Variants in PLEKHS1 observed in about 807,000 individuals in gnomAD.
The protein encoded by PLEKHS1 is pleckstrin homology domain containing S1.
In PLEKHS1, 55 loss-of-function variants were observed where a neutral mutation model predicts 51.0. The observed-to-expected ratio is 1.08, with a 90% CI of 0.87 to 1.35. The LOEUF is 1.35. Among genes scored for constraint, PLEKHS1 ranks in the 40% most tolerant of loss-of-function variants. The pLI, the probability that PLEKHS1 is intolerant of heterozygous loss-of-function variation, is 0.00. For synonymous variants in PLEKHS1, 153 were observed against 144.8 expected, an observed-to-expected ratio of 1.06 and a Z score of -0.41; for missense variants, 398 against 423.0, an observed-to-expected ratio of 0.94 and a Z score of 0.52.
chr10:113,779,694 A>T (rs138796068), intron 11 of PLEKHS1, among the ~76,000 whole-genome samples: 101 of 152,300 alleles, frequency 6.6e-4, no homozygotes, highest in African/African-American at 2.4e-3. Context: ...AGAAGCCAAG[A>T]AAAGGGTTTT....
chr10:113,765,507 A>G, intron 2 of PLEKHS1: 3 of 712,738 alleles, frequency 4.2e-6, no homozygotes, highest in Non-Finnish European at 5.2e-6. Context: ...GGGAGACAGT[A>G]TATATTGCCC....
chr10:113,769,933 C>T (rs373529731), intron 7 of PLEKHS1, 33 bp downstream of exon 7: 80 of 1,471,378 alleles, frequency 5.4e-5, no homozygotes, highest in Non-Finnish European at 7.2e-5. Context: ...CAGGACACCA[C>T]ACCTGGGAGG....
intron 1 of PLEKHS1, among the ~76,000 whole-genome samples, chr10:113,754,880 T>C (rs556074615): frequency 3.3e-5 from 5 of 152,344 alleles, no homozygotes; most frequent in Admixed American, 2.0e-4. Flanking sequence ...CTTTCTCGGC[T>C]ACGTTGGCTC....
intron 9 of PLEKHS1, 72 bp from the exon 10 acceptor site, chr10:113,774,754 T>G: frequency 1.4e-6 from 2 of 1,400,706 alleles, no homozygotes; most frequent in Non-Finnish European, 2.0e-6. Flanking sequence ...GCTACTTAAA[T>G]CTGACACACA....
rs1168928748 is a variant in PLEKHS1 at position 113,771,979 on chromosome 10, GA to G, written c.564del (p.Glu188AspfsTer22). 1 of 1,611,568 alleles carries G rather than the reference GA, an allele frequency of 6.2e-7. No homozygotes were observed. ...TATCTCTTTTCTTCAGCATTTAATG[GA>G]ACAAAGTTCTCCAGGATTTAGGCAA... On this transcript the variant is annotated frameshift_variant, in exon 8 of 12. Coordinates refer to ENST00000361048, the Ensembl canonical transcript of PLEKHS1. LOFTEE classifies it high-confidence loss of function.
At chr10:113,778,389 A>G (rs949770336) in intron 11 of PLEKHS1, among the ~76,000 whole-genome samples, 2 of 152,172 alleles carry the variant, frequency 1.3e-5, no homozygotes, top group Admixed American at 1.3e-4. Context: ...TTTGGCTTCA[A>G]ATTTCTGAAA....
At chr10:113,755,518 C>CCTCAGCCTACGCTGAGGAG (rs1854069704) in intron 2 of PLEKHS1, 1 of 920,442 alleles carries the variant, frequency 1.1e-6, no homozygotes, top group African/African-American at 1.7e-5. Context: ...GATCCTCTAA[C>CCTCAGCCTACGCTGAGGAG]CTCAGCCTCC....
rs1435419523 is a variant in PLEKHS1 at position 113,769,674 on chromosome 10, T to A, written c.436-110T>A. On this transcript the variant is annotated intron_variant, in intron 6 of 11. Coordinates refer to ENST00000361048, the Ensembl canonical transcript of PLEKHS1. ...TGCTGGCAGGCCAGCGGCATGAATGTTAGATTGCTATGGGAAAAGACAGGA... is the reference window on the plus strand; with the variant it reads ...TGCTGGCAGGCCAGCGGCATGAATGATAGATTGCTATGGGAAAAGACAGGA... The A allele has an allele frequency of 5.8e-5, 42 of 723,610 alleles. No individual in the cohort carries two copies. In the East Asian group the frequency reaches 7.7e-4, roughly 13 times the overall value. The allele number at this position is 723,610 out of a possible 1,614,324, so 44.8% of individuals were successfully genotyped here.
chr10:113,771,932 CA>C (rs1564824437), intron 7 of PLEKHS1, 37 bp from the exon 8 acceptor site: 1 of 1,584,540 alleles, frequency 6.3e-7, no homozygotes, highest in Admixed American at 1.9e-5. Flanking sequence ...CTATCTCTTG[CA>C]AAGAAAAAGC....
chr10:113,781,051 C>T (rs1844851623), exon 12 of PLEKHS1: 1 of 463,744 alleles, frequency 2.2e-6, no homozygotes, highest in African/African-American at 1.9e-5. Context: ...TTGGGTCAGT[C>T]CTTCATGTAA....
intron 9 of PLEKHS1, 72 bp from the exon 10 acceptor site, chr10:113,774,754 T>A: frequency 7.1e-7 from 1 of 1,400,706 alleles, no homozygotes; most frequent in Non-Finnish European, 1.0e-6. Context: ...GCTACTTAAA[T>A]CTGACACACA....
chr10:113,771,212 T>C (rs1844389649), intron 7 of PLEKHS1: 1 of 152,160 alleles, frequency 6.6e-6, no homozygotes, highest in East Asian at 1.9e-4. Context: ...CCAAATTCCA[T>C]TGCTGTGGAA....
At chr10:113,782,531 G>A (rs4431982), downstream of PLEKHS1, 54,182 of 152,018 alleles carry the variant, frequency 0.36, 9,951 homozygotes, top group South Asian at 0.49. Flanking sequence ...TCGTGAGGTC[G>A]TGGGGGTGGA....
At position 113,775,050 on chromosome 10, in the gene PLEKHS1, T is replaced by C; in HGVS notation, c.989+15T>C. The C allele has an allele frequency of 1.2e-6, 2 of 1,609,752 alleles. No individual in the cohort carries two copies. The highest frequency in any genetic ancestry group is 1.7e-6 in the Non-Finnish European group (2 of 1,176,534). On this transcript the variant is annotated intron_variant, in intron 10 of 11. Coordinates refer to ENST00000361048, the Ensembl canonical transcript of PLEKHS1. ...ATATTAATCAAGTAAAGCTCTAATTTCTAAAACTTGATGGGCCCTAAGAGC... is the reference window on the plus strand; with the variant it reads ...ATATTAATCAAGTAAAGCTCTAATTCCTAAAACTTGATGGGCCCTAAGAGC...
intron 1 of PLEKHS1, among the ~76,000 whole-genome samples, chr10:113,752,989 G>A (rs968182234): frequency 6.6e-6 from 1 of 152,210 alleles, no homozygotes; most frequent in Admixed American, 6.5e-5. Flanking sequence ...ATCTCAGAAT[G>A]AAGCCATTCT....
chr10:113,773,311 T>C (rs987192321), intron 8 of PLEKHS1, among the ~76,000 whole-genome samples: 24 of 152,208 alleles, frequency 1.6e-4, no homozygotes, highest in African/African-American at 4.6e-4. Flanking sequence ...TCTTTTATGA[T>C]AGTTCAGCCA....
chr10:113,782,276 A>G (rs1220382583), exon 12 of PLEKHS1: 1 of 152,236 alleles, frequency 6.6e-6, no homozygotes, highest in Admixed American at 6.5e-5. Flanking sequence ...CCAAGAATCT[A>G]AAACCAGCTC....
intron 5 of PLEKHS1, among the ~76,000 whole-genome samples, 154 bp from the exon 6 acceptor site, chr10:113,768,661 G>A (rs1844264854): frequency 6.6e-6 from 1 of 152,168 alleles, no homozygotes; most frequent in South Asian, 2.1e-4. Context: ...TGCAAATGTG[G>A]AGGTGGCGAG....
At chr10:113,776,453 CT>C (rs1031768464) in intron 11 of PLEKHS1, among the ~76,000 whole-genome samples, 1 of 152,130 alleles carries the variant, frequency 6.6e-6, no homozygotes, top group Non-Finnish European at 1.5e-5. Context: ...GAAGAAAACT[CT>C]TTAATGTAAA....
Sources: gnomAD v4.1 joint callset for allele counts (sites outside exome capture counted in the v4.1 genomes callset) on GRCh38, gnomAD v4.1.1 for gene constraint, MANE v1.5 for transcripts, NCBI Gene and HGNC (gene_info 2026-07-23, HGNC 2026-07-21) for gene names.